The following TRIM33 variants were observed in gnomAD, a reference collection of about 807,000 sequenced individuals.
TRIM33 encodes the protein E3 ubiquitin-protein ligase TRIM33.
Under a neutral mutation model 125.4 loss-of-function variants are expected in TRIM33, and 20 were observed. The ratio of observed to expected loss-of-function variants is 0.16; its 90% CI spans 0.11 to 0.23. The LOEUF is 0.23. Ranked by LOEUF, TRIM33 falls within the 10% of genes least tolerant of loss-of-function variation. TRIM33 has a pLI of 1.00. For synonymous variants in TRIM33, 564 were observed against 513.9 expected (o/e 1.10, Z -1.32); for missense variants, 920 against 1,411.4 (o/e 0.65, Z 5.58).
intron 1 of TRIM33, among the ~76,000 whole-genome samples, chr1:114,508,734 C>G (rs1375085527): frequency 6.6e-6 from 1 of 152,140 alleles, no homozygotes; most frequent in Admixed American, 6.5e-5. Context: ...TACACTCCCC[C>G]CATCCCTCCA....
chr1:114,447,405 G>C (rs1385018971), intron 4 of TRIM33, among the ~76,000 whole-genome samples: 2 of 151,988 alleles, frequency 1.3e-5, no homozygotes, highest in Non-Finnish European at 2.9e-5. Context: ...AAAAAAAAAT[G>C]CAACTGCCAA....
At chr1:114,398,147 G>A (rs1261618401) in intron 18 of TRIM33, among the ~76,000 whole-genome samples, 157 bp from the exon 19 acceptor site, 1 of 152,150 alleles carries the variant, frequency 6.6e-6, no homozygotes, top group East Asian at 1.9e-4. Context: ...TACAGAACAT[G>A]GAACCATTTT....
chr1:114,489,747 AAAAT>A (rs1009594783), intron 1 of TRIM33, among the ~76,000 whole-genome samples: 3 of 152,168 alleles, frequency 2.0e-5, no homozygotes, highest in South Asian at 2.1e-4. Context: ...CCTGTCTCAA[AAAAT>A]AAATAAATAA....
chr1:114,496,223 A>C (rs2101552537), intron 1 of TRIM33, among the ~76,000 whole-genome samples: 1 of 152,328 alleles, frequency 6.6e-6, no homozygotes. Context: ...TTACTTTGTG[A>C]GGGATAGTAT....
At chr1:114,468,736 A>G (rs1233402294) in intron 1 of TRIM33, 1 of 413,126 alleles carries the variant, frequency 2.4e-6, no homozygotes, top group South Asian at 1.9e-5. Context: ...GAAATACTAG[A>G]GAAAGACAAA....
intron 5 of TRIM33, among the ~76,000 whole-genome samples, chr1:114,431,846 T>A (rs1288464921): frequency 6.6e-6 from 1 of 152,206 alleles, no homozygotes; most frequent in Non-Finnish European, 1.5e-5. Flanking sequence ...AAGATATTTT[T>A]AATATATAAA....
At chr1:114,418,086 T>C (rs963444307) in intron 11 of TRIM33, among the ~76,000 whole-genome samples, 2 of 152,222 alleles carry the variant, frequency 1.3e-5, no homozygotes, top group Non-Finnish European at 2.9e-5. Context: ...GCGGTTTAAA[T>C]TGACTCACAG....
chr1:114,424,535 T>C lies in TRIM33; in HGVS notation c.1860+56A>G, dbSNP rs894687192. 18 of 1,426,108 alleles carry C rather than the reference T, an allele frequency of 1.3e-5. No individual in the cohort carries two copies. The African/African-American group carries it at 2.4e-4, about 19-fold the overall frequency. The allele number at this position is 1,426,108 out of a possible 1,614,324, so 88.3% of individuals were successfully genotyped here. On this transcript the variant is annotated intron_variant, in intron 10 of 19. Transcript: ENST00000358465. ...TGCTCCCAAAAAGTGATTAAGAAAA[T>C]GACGTCTTTTAATTTTAAAATTGTA...
intron 15 of TRIM33, 117 bp from the exon 16 acceptor site, chr1:114,403,000 G>T: frequency 2.8e-6 from 3 of 1,070,876 alleles, no homozygotes; most frequent in Non-Finnish European, 2.6e-6. Flanking sequence ...AAAAAAGGGA[G>T]GTTTTATAGT....
At chr1:114,402,931 G>A (rs752542266) in intron 15 of TRIM33, 48 bp from the exon 16 acceptor site, 1 of 1,546,378 alleles carries the variant, frequency 6.5e-7, no homozygotes, top group Admixed American at 2.1e-5. Flanking sequence ...AAGAAAGCCT[G>A]CTCTAGAGAA....
At chr1:114,497,343 C>T (rs1215845914) in intron 1 of TRIM33, among the ~76,000 whole-genome samples, 5 of 152,178 alleles carry the variant, frequency 3.3e-5, no homozygotes, top group Non-Finnish European at 7.3e-5. Context: ...ATTGCCCAGG[C>T]TGGAGTGCAA....
In TRIM33 at chr1:114,423,304, T is replaced by C. The variant is rs544732432; in HGVS notation, c.1860+1287A>G. The stretch of plus-strand genomic sequence containing the variant: ...GAAATTTACAATAGGCTAATCTATA[T>C]CTATCAAATAAAGCTATCTTACAGT... On this transcript the variant is annotated intron_variant, in intron 10 of 19. Transcript: ENST00000358465. Among the ~76,000 whole-genome samples, 2 of 152,250 alleles carry C rather than the reference T, an allele frequency of 1.3e-5. 1 individual carries two copies. The highest frequency in any genetic ancestry group is 4.1e-4 in the South Asian group (2 of 4,830).
chr1:114,434,837 C>T (rs1269211433), intron 4 of TRIM33, among the ~76,000 whole-genome samples: 2 of 152,122 alleles, frequency 1.3e-5, no homozygotes, highest in Non-Finnish European at 2.9e-5. Context: ...CCAAGAAAAG[C>T]ACAGCAGAGA....
chr1:114,410,147 A>G (rs1199554931), intron 12 of TRIM33, 37 bp downstream of exon 12: 1 of 1,610,190 alleles, frequency 6.2e-7, no homozygotes, highest in Non-Finnish European at 8.5e-7. Flanking sequence ...TGTTTTTTTA[A>G]GGTGTTAAAA....
chr1:114,402,934 C>G, intron 15 of TRIM33, 51 bp from the exon 16 acceptor site: 1 of 1,532,960 alleles, frequency 6.5e-7, no homozygotes, highest in African/African-American at 1.4e-5. Context: ...AAAGCCTGCT[C>G]TAGAGAAGCT....
At chr1:114,442,743 G>A (rs1232778605) in intron 4 of TRIM33, among the ~76,000 whole-genome samples, 3 of 149,562 alleles carry the variant, frequency 2.0e-5, no homozygotes, top group East Asian at 1.9e-4. Flanking sequence ...AAGAATTTAC[G>A]GAAGAACTAA....
At chr1:114,506,004 A>C (rs1652978820) in intron 1 of TRIM33, among the ~76,000 whole-genome samples, 1 of 152,216 alleles carries the variant, frequency 6.6e-6, no homozygotes, top group South Asian at 2.1e-4. Flanking sequence ...CATATAACCT[A>C]ACGGGATAGG....
At chr1:114,411,558 G>A (rs1652590408) in intron 11 of TRIM33, among the ~76,000 whole-genome samples, 1 of 152,006 alleles carries the variant, frequency 6.6e-6, no homozygotes, top group African/African-American at 2.4e-5. Flanking sequence ...TGAAAATGGG[G>A]ATGCATCCCA....
At chr1:114,438,659 C>T (rs561229338) in intron 4 of TRIM33, among the ~76,000 whole-genome samples, 3 of 152,212 alleles carry the variant, frequency 2.0e-5, no homozygotes, top group South Asian at 2.1e-4. Flanking sequence ...AGCTAGATGA[C>T]TTTGACAACC....
Sources: allele counts gnomAD v4.1 joint callset (sites outside exome capture counted in the v4.1 genomes callset), GRCh38; gene constraint gnomAD v4.1.1; transcripts MANE v1.5; gene names NCBI Gene and HGNC (gene_info 2026-07-23, HGNC 2026-07-21).